Variants in PLPP4 observed in about 807,000 individuals in gnomAD.
PLPP4 encodes phospholipid phosphatase 4.
A neutral mutation model predicts 32.2 loss-of-function variants in PLPP4; 20 were observed. The ratio of observed to expected loss-of-function variants is 0.62; its 90% CI spans 0.44 to 0.90. The LOEUF is 0.90. Among genes scored for constraint, PLPP4 ranks in the 40% least tolerant of loss-of-function variants. The pLI is 0.00. For synonymous variants in PLPP4, 127 were observed against 133.0 expected, an observed-to-expected ratio of 0.95 and a Z score of 0.31; for missense variants, 257 against 353.1, an observed-to-expected ratio of 0.73 and a Z score of 2.18.
At chr10:120,507,865 T>C (rs1845568506) in intron 2 of PLPP4, among the ~76,000 whole-genome samples, 1 of 152,202 alleles carries the variant, frequency 6.6e-6, no homozygotes, top group Non-Finnish European at 1.5e-5. Context: ...ATGAATAAGA[T>C]ATGGTTTCTA....
chr10:120,565,337 TG>T (rs1304468673), intron 5 of PLPP4, among the ~76,000 whole-genome samples: 6 of 135,876 alleles, frequency 4.4e-5, no homozygotes, highest in African/African-American at 1.3e-4. Flanking sequence ...TGTGTGTGTG[TG>T]TGTGTGTGTG....
chr10:120,510,578 G>A (rs1055382329), intron 2 of PLPP4, among the ~76,000 whole-genome samples: 11 of 152,114 alleles, frequency 7.2e-5, no homozygotes, highest in East Asian at 5.8e-4. Flanking sequence ...GGCCTTTGTC[G>A]AAAGAGTGGA....
At chr10:120,517,968 A>G (rs1845999508) in intron 3 of PLPP4, among the ~76,000 whole-genome samples, 1 of 152,168 alleles carries the variant, frequency 6.6e-6, no homozygotes, top group South Asian at 2.1e-4. Flanking sequence ...TTATTCAACA[A>G]AGCAGTGGAT....
intron 5 of PLPP4, 53 bp downstream of exon 5, chr10:120,521,148 C>T: frequency 6.2e-7 from 1 of 1,600,906 alleles, no homozygotes; most frequent in Non-Finnish European, 8.5e-7. Flanking sequence ...TTCCTGCTCA[C>T]TGTCTTTGGG....
chr10:120,537,904 A>G (rs149888092), intron 5 of PLPP4, among the ~76,000 whole-genome samples: 6 of 151,122 alleles, frequency 4.0e-5, no homozygotes, highest in East Asian at 2.0e-4. Flanking sequence ...TTTTCTGGAA[A>G]TTGTCCCAAT....
At position 120,570,439 on chromosome 10, in the gene PLPP4, G is replaced by T. The variant is rs146367752; in HGVS notation, c.446-4692G>T. Reference sequence around the variant, plus strand: ...TAGATTGACTCATCAGAGCACAATTGTGTGTTCAGTGCCAGAAATTATCAG... The same window carrying T: ...TAGATTGACTCATCAGAGCACAATTTTGTGTTCAGTGCCAGAAATTATCAG... On this transcript the variant is annotated intron_variant, in intron 5 of 6. Coordinates refer to ENST00000398250, the MANE Select transcript of PLPP4 (RefSeq NM_001030059.3). Among the ~76,000 whole-genome samples, 165 of 152,198 alleles carry T rather than the reference G, an allele frequency of 1.1e-3. 1 individual carries two copies. The highest frequency in any genetic ancestry group is 3.2e-3 in the African/African-American group (134 of 41,526).
chr10:120,476,050 G>A (rs991042662), intron 1 of PLPP4, among the ~76,000 whole-genome samples: 3 of 152,206 alleles, frequency 2.0e-5, no homozygotes, highest in Non-Finnish European at 2.9e-5. Flanking sequence ...ACGAATAATG[G>A]CATGTGCCTG....
At chr10:120,500,152 G>A (rs1845174260) in intron 1 of PLPP4, among the ~76,000 whole-genome samples, 1 of 152,142 alleles carries the variant, frequency 6.6e-6, no homozygotes, top group African/African-American at 2.4e-5. Context: ...CAGCTACTCA[G>A]GGTAGAGTGA....
At chr10:120,497,796 T>G (rs530942814) in intron 1 of PLPP4, among the ~76,000 whole-genome samples, 10 of 152,238 alleles carry the variant, frequency 6.6e-5, no homozygotes, top group Admixed American at 2.6e-4. Flanking sequence ...ATCCCAGCAC[T>G]TTGGGAGGCT....
chr10:120,503,503 T>C lies in PLPP4; in HGVS notation c.57-315T>C, dbSNP rs544745531. ...CCATGCTGCTGCCCTGGCCTTGCCC[T>C]ATTCTGACTTCAGTTTCCAGTTTAC... On this transcript the variant is annotated intron_variant, in intron 1 of 6. Transcript: ENST00000398250. The C allele has an allele frequency of 1.7e-5, 26 of 1,564,666 alleles. No individual in the cohort carries two copies. The African/African-American group carries it at 2.8e-4, about 17-fold the overall frequency.
intron 1 of PLPP4, among the ~76,000 whole-genome samples, chr10:120,499,420 T>C (rs1012651130): frequency 3.3e-5 from 5 of 152,076 alleles, no homozygotes; most frequent in Admixed American, 3.3e-4. Context: ...TTTTTTTTTT[T>C]TTAAATGGCA....
rs1010629790 is a variant in PLPP4, at chr10:120,589,568, T to C, written c.*66T>C. The C allele has an allele frequency of 2.4e-6, 3 of 1,254,484 alleles. No homozygotes were observed. The highest frequency in any genetic ancestry group is 1.4e-5 in the South Asian group (1 of 72,614). 77.7% of individuals were successfully genotyped at this position (1,254,484 alleles called of 1,614,324 possible). On this transcript the variant is annotated 3_prime_UTR_variant, in exon 7 of 7. Transcript: ENST00000398250. ...CTGCCACCCTGACATCATAACACAATAGAAATGGTTTTCTGTAGTGTATTT... is the reference window on the plus strand; with the variant it reads ...CTGCCACCCTGACATCATAACACAACAGAAATGGTTTTCTGTAGTGTATTT...
rs762756727 is a variant in PLPP4 at position 120,503,804 on chromosome 10, T to C, written c.57-14T>C. ...AACGCTCAACCTTCATGTACTTTTC[T>C]TTTTATGTTTCAGTTTTACAGAGTT... On this transcript the variant is annotated splice_polypyrimidine_tract_variant and intron_variant, in intron 1 of 6. Transcript: ENST00000398250. 1.2e-6 allele frequency: 2 copies of C among 1,608,068 alleles called. No homozygotes were observed. Among genetic ancestry groups the C allele is most frequent in the Non-Finnish European group, 1.7e-6 (2 of 1,175,082 alleles).
rs80255979 is a variant in PLPP4, at chr10:120,545,137, A to G, written c.445+24042A>G. ...TTGCCTGCATGGCACTGTGGCAGAC[A>G]CAAGGAGGCAAACTGGAGAGCCAGC... is the stretch of plus-strand genomic sequence containing the variant. On this transcript the variant is annotated intron_variant, in intron 5 of 6. Coordinates refer to ENST00000398250, the MANE Select transcript of PLPP4 (RefSeq NM_001030059.3). Among the ~76,000 whole-genome samples, 775 of 152,352 alleles carry G rather than the reference A, an allele frequency of 5.1e-3. 9 individuals carry two copies. Among genetic ancestry groups the G allele is most frequent in the African/African-American group, 0.018 (731 of 41,590 alleles).
intron 1 of PLPP4, among the ~76,000 whole-genome samples, chr10:120,493,213 C>G (rs745530793): frequency 6.6e-6 from 1 of 152,168 alleles, no homozygotes; most frequent in Non-Finnish European, 1.5e-5. Flanking sequence ...TCTTCGGGCT[C>G]TTGTAATCTG....
intron 5 of PLPP4, among the ~76,000 whole-genome samples, chr10:120,551,976 T>A (rs1220800942): frequency 6.6e-6 from 1 of 152,184 alleles, no homozygotes; most frequent in Non-Finnish European, 1.5e-5. Flanking sequence ...TAATTATTTC[T>A]CTGTAAATTC....
intron 1 of PLPP4, among the ~76,000 whole-genome samples, chr10:120,477,389 A>C (rs1843987476): frequency 6.6e-6 from 1 of 151,838 alleles, no homozygotes; most frequent in Admixed American, 6.6e-5. Flanking sequence ...AAACAGAAGA[A>C]AAGAACTTTG....
intron 1 of PLPP4, among the ~76,000 whole-genome samples, chr10:120,479,192 C>T (rs1445372541): frequency 1.3e-5 from 2 of 152,166 alleles, no homozygotes; most frequent in Admixed American, 6.5e-5. Flanking sequence ...TGCCAGTGCA[C>T]TCCAGCCTGG....
At chr10:120,510,081 G>A (rs1845665186) in intron 2 of PLPP4, among the ~76,000 whole-genome samples, 1 of 152,132 alleles carries the variant, frequency 6.6e-6, no homozygotes, top group East Asian at 1.9e-4. Flanking sequence ...TTTCCATGTA[G>A]GATTGCTGTG....
Sources: gnomAD v4.1 joint callset for allele counts (sites outside exome capture counted in the v4.1 genomes callset) on GRCh38, gnomAD v4.1.1 for gene constraint, MANE v1.5 for transcripts, NCBI Gene and HGNC (gene_info 2026-07-23, HGNC 2026-07-21) for gene names.